Variants in TXNDC11 observed in about 807,000 individuals in gnomAD.
TXNDC11 encodes the protein thioredoxin domain containing 11.
A neutral mutation model predicts 78.0 loss-of-function variants in TXNDC11; 68 were observed. The observed-to-expected ratio is 0.87, with a 90% confidence interval of 0.72 to 1.07. The LOEUF (loss-of-function observed/expected upper bound fraction) is 1.07, where lower values mean the gene tolerates loss of function less well. Among genes scored for constraint, TXNDC11 ranks in the 50% least tolerant of loss-of-function variants. The pLI is 0.00. For synonymous variants in TXNDC11, 571 were observed against 495.2 expected, an observed-to-expected ratio of 1.15 and a Z score of -2.03; for missense variants, 1,389 against 1,221.8, an observed-to-expected ratio of 1.14 and a Z score of -2.04.
chr16:11,691,184 G>C, intron 8 of TXNDC11, 106 bp downstream of exon 8: 3 of 941,316 alleles, frequency 3.2e-6, no homozygotes, highest in Non-Finnish European at 4.8e-6. Flanking sequence ...AGCTACGAAG[G>C]TGACATCACC....
chr16:11,719,836 C>T (rs985495301), intron 5 of TXNDC11, among the ~76,000 whole-genome samples: 1 of 152,130 alleles, frequency 6.6e-6, no homozygotes, highest in Non-Finnish European at 1.5e-5. Context: ...ACAGGGTACC[C>T]AAGTTAGACT....
At chr16:11,717,707 G>C (rs2051577670) in intron 5 of TXNDC11, among the ~76,000 whole-genome samples, 2 of 151,520 alleles carry the variant, frequency 1.3e-5, no homozygotes, top group African/African-American at 2.4e-5. Context: ...TGTAATCCCA[G>C]CTACTCGGGA....
chr16:11,742,640 C>G lies in TXNDC11; in HGVS notation c.91G>C (p.Asp31His). 6.8e-7 allele frequency: 1 copy of G among 1,459,886 alleles called. No homozygotes were observed. Among genetic ancestry groups the G allele is most frequent in the African/African-American group, 1.5e-5 (1 of 67,966 alleles). The allele number at this position is 1,459,886 out of a possible 1,614,324, so 90.4% of individuals were successfully genotyped here. The change falls in exon 1 of 12, where the codon GAC becomes CAC. Residue 31 changes from aspartate (D) to histidine (H), a missense_variant. By Grantham distance (81) the Asp-to-His change is moderately conservative. Transcript: ENST00000283033. ...AGGGTCGGGCTCGAGCTGAGGCAGT[C>G]TGAGCCCGCGGGGCCGCCGCCGCCC... ...GGGGGGPAGS[D>H]CLSSSPTLAT...
rs752677196 is a variant in TXNDC11 at position 11,679,630 on chromosome 16, T to C, written c.2442A>G (p.Ile814Met). 5 of 1,614,102 alleles carry C rather than the reference T, an allele frequency of 3.1e-6. No individual in the cohort carries two copies. The highest frequency in any genetic ancestry group is 3.4e-6 in the Non-Finnish European group (4 of 1,180,046). The change falls in exon 12 of 12, where the codon ATA (isoleucine) becomes ATG (methionine). Residue 814 changes from isoleucine to methionine, a missense_variant. Coordinates refer to ENST00000283033, the MANE Select transcript of TXNDC11 (RefSeq NM_015914.7). This position sits in a 1 kb window ranked among gnomAD's most constrained non-coding sequence, Gnocchi z 4.6. Reference protein sequence around the residue: ...EREIQKLRAEISSLQRAQVQV... With the variant: ...EREIQKLRAEMSSLQRAQVQV... ...GCACTTGTGCTCGCTGGAGGCTGCT[T>C]ATTTCTGCTCTCAGTTTCTGGATCT...
At chr16:11,701,759 C>A (rs1284306367) in intron 5 of TXNDC11, among the ~76,000 whole-genome samples, 3 of 152,026 alleles carry the variant, frequency 2.0e-5, no homozygotes, top group East Asian at 3.8e-4. Flanking sequence ...AAGGAAACAT[C>A]AAGTATTGAT....
chr16:11,717,434 GAAAAAAAA>G lies in TXNDC11; in HGVS notation c.793+4135_793+4142del, dbSNP rs58884197. On this transcript the variant is annotated intron_variant, in intron 5 of 11. Transcript: ENST00000283033. Reference sequence around the variant, plus strand: ...TGGGCAAAAGAGCGAGACTCCAAATGAAAAAAAAAAAAAAAAAAAAAAGAACCAGAGAT... The same window carrying G: ...TGGGCAAAAGAGCGAGACTCCAAATGAAAAAAAAAAAAAAGAACCAGAGAT... Among the ~76,000 whole-genome samples the G allele has an allele frequency of 2.9e-3, 181 of 62,316 alleles. 1 individual carries two copies. Among genetic ancestry groups the G allele is most frequent in the African/African-American group, 0.011 (169 of 14,790 alleles). The allele number at this position is 62,316 out of a possible 152,430, so 40.9% of individuals were successfully genotyped here.
intron 10 of TXNDC11, among the ~76,000 whole-genome samples, chr16:11,685,913 A>C (rs2050556081): frequency 2.6e-5 from 4 of 152,322 alleles, no homozygotes; most frequent in Middle Eastern, 3.4e-3. Flanking sequence ...CCATTGGGCT[A>C]AATAAGGCCC....
At chr16:11,736,302 G>T in intron 1 of TXNDC11, 69 bp from the exon 2 acceptor site, 1 of 1,272,380 alleles carries the variant, frequency 7.9e-7, no homozygotes, top group Non-Finnish European at 1.1e-6. Flanking sequence ...TGTGGAAGTA[G>T]AATGAAGCTT....
chr16:11,687,921 A>T lies in TXNDC11; in HGVS notation c.2089T>A (p.Ser697Thr), dbSNP rs1232030392. The T allele has an allele frequency of 6.2e-7, 1 of 1,613,848 alleles. No individual in the cohort carries two copies. The highest frequency in any genetic ancestry group is 8.5e-7 in the Non-Finnish European group (1 of 1,179,934). Residue 697 changes from serine (S) to threonine (T), a missense_variant, in exon 10 of 12, where the codon TCC (serine) becomes ACC (threonine). Transcript: ENST00000283033. ...AGCTGGATGAAGATGTGATTGAGGG[A>T]TGGACAGAAGCCGCACCACGGAGCG... ...YYAPWCGFCP[S>T]LNHIFIQLAR...
intron 3 of TXNDC11, among the ~76,000 whole-genome samples, chr16:11,730,991 C>T (rs1414266128): frequency 6.6e-6 from 1 of 152,052 alleles, no homozygotes; most frequent in Non-Finnish European, 1.5e-5. Context: ...GCAGCCCCTA[C>T]CCTTCTATGA....
chr16:11,717,677 T>C (rs1383347677), intron 5 of TXNDC11, among the ~76,000 whole-genome samples: 2 of 151,092 alleles, frequency 1.3e-5, no homozygotes, highest in South Asian at 4.2e-4. Context: ...AAAAATAAGC[T>C]GGGCGTGGTG....
rs763557457 is a variant in TXNDC11, at chr16:11,733,968, T to A, written c.569+14A>T. 6.3e-7 allele frequency: 1 copy of A among 1,582,020 alleles called. No individual in the cohort carries two copies. Among genetic ancestry groups the A allele is most frequent in the South Asian group, 1.1e-5 (1 of 88,016 alleles). On this transcript the variant is annotated intron_variant, in intron 3 of 11. Transcript: ENST00000283033. ...CTAAACTGGAATGAGAGACGCTATTTAAAAAGTTCTTACCTCCGATGATAC... is the reference window on the plus strand; with the variant it reads ...CTAAACTGGAATGAGAGACGCTATTAAAAAAGTTCTTACCTCCGATGATAC...
intron 5 of TXNDC11, among the ~76,000 whole-genome samples, chr16:11,701,871 C>T (rs1445638015): frequency 6.6e-6 from 1 of 152,126 alleles, no homozygotes; most frequent in East Asian, 1.9e-4. Context: ...AGAATGGACA[C>T]AGCTGGGATT....
At chr16:11,735,582 G>A (rs1025663737) in intron 2 of TXNDC11, among the ~76,000 whole-genome samples, 1 of 152,162 alleles carries the variant, frequency 6.6e-6, no homozygotes, top group Non-Finnish European at 1.5e-5. Flanking sequence ...TAGCCCAAAG[G>A]TGGCATTCCT....
chr16:11,679,777 C>T lies in TXNDC11; in HGVS notation c.2295G>A (p.Arg765=). 2 of 1,614,046 alleles carry T rather than the reference C, an allele frequency of 1.2e-6. No individual in the cohort carries two copies. The highest frequency in any genetic ancestry group is 1.7e-6 in the Non-Finnish European group (2 of 1,179,994). Residue 765 remains arginine, a synonymous_variant, in exon 12 of 12, where the codon AGG becomes AGA. Transcript: ENST00000283033. This position sits in a 1 kb window ranked among gnomAD's most constrained non-coding sequence, Gnocchi z 4.6. ...DVPITLPNLL[R]FILHHSDPAS... is the part of the protein sequence containing the mutation. ...CAGGGTCTGAGTGATGCAAAATGAA[C>T]CTCAACAGGTTTGGAAGGGTGATGG...
intron 2 of TXNDC11, 133 bp downstream of exon 2, chr16:11,735,884 T>G (rs2052204755): frequency 4.0e-6 from 3 of 755,064 alleles, no homozygotes; most frequent in South Asian, 3.3e-5. Flanking sequence ...TAGAAAGCTC[T>G]GTAACTTAGA....
Position 11,679,159 on chromosome 16 carries a change from A to G in TXNDC11, c.*36T>C, listed in dbSNP as rs1295329979. On this transcript the variant is annotated 3_prime_UTR_variant, in exon 12 of 12. Transcript: ENST00000283033. This position sits in a 1 kb window ranked among gnomAD's most constrained non-coding sequence, Gnocchi z 4.6. ...TGCATAAATATATTCCCAATGTACA[A>G]TTTTCACCTCTGATTTCTTCATATC... 1.3e-6 allele frequency: 2 copies of G among 1,597,616 alleles called. No individual in the cohort carries two copies. Among genetic ancestry groups the G allele is most frequent in the East Asian group, 2.2e-5 (1 of 44,718 alleles).
chr16:11,726,051 A>C (rs920964712), intron 4 of TXNDC11, among the ~76,000 whole-genome samples: 1 of 151,916 alleles, frequency 6.6e-6, no homozygotes, highest in South Asian at 2.1e-4. Flanking sequence ...CTAATTTTTA[A>C]CATTTTGTTA....
At chr16:11,717,108 GAA>G (rs200390869) in intron 5 of TXNDC11, among the ~76,000 whole-genome samples, 9 of 132,614 alleles carry the variant, frequency 6.8e-5, no homozygotes, top group Admixed American at 3.0e-4. Flanking sequence ...AGATTTTCAG[GAA>G]AAAAAAAAAA....
Sources: gnomAD v4.1 joint callset for allele counts (sites outside exome capture counted in the v4.1 genomes callset) on GRCh38, gnomAD v4.1.1 for gene constraint, Gnocchi (gnomAD v3.1) non-coding constraint, MANE v1.5 for transcripts, NCBI Gene and HGNC (gene_info 2026-07-23, HGNC 2026-07-21) for gene names.